TP63: variants seen among roughly 807,000 people sequenced by gnomAD.
TP63 encodes tumor protein 63.
Under a neutral mutation model 82.8 loss-of-function variants are expected in TP63, and 17 were observed. That is an observed-to-expected ratio of 0.21 (90% CI 0.14 to 0.31). The LOEUF is 0.31. TP63 is among the 10% of genes least tolerant of loss of function. The pLI is 1.00. For missense variants in TP63, 648 were observed against 895.3 expected, an observed-to-expected ratio of 0.72 and a Z score of 3.52; for synonymous variants, 330 against 321.7, an observed-to-expected ratio of 1.03 and a Z score of -0.28.
intron 3 of TP63, among the ~76,000 whole-genome samples, chr3:189,786,446 AACACACACACACAC>A (rs59747587): frequency 1.6e-4 from 23 of 147,110 alleles, no homozygotes; most frequent in East Asian, 1.2e-3. Context: ...GACATACCTA[AACACACACACACAC>A]ACACACACAC....
chr3:189,601,750 A>G, the TP63 span, among the ~76,000 whole-genome samples: 1 of 152,142 alleles, frequency 6.6e-6, no homozygotes, highest in African/African-American at 2.4e-5. Flanking sequence ...TCCCACATTC[A>G]GTAGCATTCT....
intron 3 of TP63, among the ~76,000 whole-genome samples, chr3:189,773,371 A>G (rs1171289179): frequency 6.6e-6 from 1 of 152,232 alleles, no homozygotes; most frequent in Non-Finnish European, 1.5e-5. Context: ...AGACAGCTTC[A>G]GGCCATTGTG....
rs557875792 is a variant in TP63, at chr3:189,801,820, C to T, written c.325-6452C>T. Among the ~76,000 whole-genome samples the T allele has an allele frequency of 9.9e-5, 15 of 152,058 alleles. No homozygotes were observed. In the South Asian group the frequency reaches 1.7e-3, roughly 17 times the overall value. On this transcript the variant is annotated intron_variant, in intron 3 of 13. Coordinates refer to ENST00000264731, the MANE Select transcript of TP63 (RefSeq NM_003722.5). ...CTTACAGTCTTGATAGTTTTGGGTG[C>T]GTTTAAATACTTTATTCTTATATTT...
chr3:189,821,374 G>A (rs1042771968), intron 4 of TP63, among the ~76,000 whole-genome samples: 2 of 152,180 alleles, frequency 1.3e-5, no homozygotes, highest in African/African-American at 4.8e-5. Flanking sequence ...TTGCATTTGA[G>A]GGTCCTGGTG....
chr3:189,681,286 A>G (rs1218848821), intron 1 of TP63, among the ~76,000 whole-genome samples: 2 of 152,032 alleles, frequency 1.3e-5, no homozygotes, highest in Admixed American at 1.3e-4. Context: ...GTGAATAGTC[A>G]CCCAAATTGT....
At chr3:189,861,243 C>T (rs891688035) in intron 4 of TP63, among the ~76,000 whole-genome samples, 1 of 152,142 alleles carries the variant, frequency 6.6e-6, no homozygotes, top group African/African-American at 2.4e-5. Context: ...TAAGTGAGGA[C>T]ACATGATACT....
intron 1 of TP63, among the ~76,000 whole-genome samples, chr3:189,700,388 G>A (rs1478832532): frequency 1.3e-5 from 2 of 152,140 alleles, no homozygotes; most frequent in Non-Finnish European, 2.9e-5. Flanking sequence ...CCCAGTGTTT[G>A]CTGTTTCCAT....
intron 4 of TP63, among the ~76,000 whole-genome samples, chr3:189,857,882 G>A (rs1716485985): frequency 6.6e-6 from 1 of 152,146 alleles, no homozygotes; most frequent in African/African-American, 2.4e-5. Flanking sequence ...TACTTTCAGT[G>A]GGAATGTAAA....
intron 1 of TP63, among the ~76,000 whole-genome samples, chr3:189,687,682 C>T (rs928049175): frequency 3.3e-5 from 5 of 152,144 alleles, no homozygotes; most frequent in Admixed American, 6.6e-5. Flanking sequence ...TTCAAATGGG[C>T]GACTGGACAA....
intron 3 of TP63, among the ~76,000 whole-genome samples, chr3:189,749,077 A>G (rs1360919137): frequency 1.3e-5 from 2 of 152,162 alleles, no homozygotes; most frequent in African/African-American, 4.8e-5. Context: ...ATAAACTACT[A>G]GAAGAAAACA....
chr3:189,612,127 C>T, the TP63 span, among the ~76,000 whole-genome samples: 3 of 152,036 alleles, frequency 2.0e-5, no homozygotes, highest in Admixed American at 6.6e-5. Context: ...ATTTCTTTTT[C>T]GTGCCTAACG....
chr3:189,681,190 A>G (rs535753210), intron 1 of TP63, among the ~76,000 whole-genome samples: 114 of 148,554 alleles, frequency 7.7e-4, no homozygotes, highest in African/African-American at 2.6e-3. Context: ...TCATAAGTGA[A>G]TAGTCACTTA....
At chr3:189,742,679 A>C (rs1232261950) in intron 3 of TP63, among the ~76,000 whole-genome samples, 1 of 152,248 alleles carries the variant, frequency 6.6e-6, no homozygotes, top group South Asian at 2.1e-4. Flanking sequence ...TTTCAAGCAC[A>C]TACAGTAGGT....
At chr3:189,800,418 C>T (rs1726163093) in intron 3 of TP63, among the ~76,000 whole-genome samples, 2 of 146,610 alleles carry the variant, frequency 1.4e-5, no homozygotes, top group Admixed American at 1.4e-4. Flanking sequence ...TGACCCTTTG[C>T]AATTATACCC....
chr3:189,882,018 C>CAAAAAAAA (rs5855276), intron 10 of TP63, among the ~76,000 whole-genome samples: 4 of 139,674 alleles, frequency 2.9e-5, no homozygotes, highest in African/African-American at 1.0e-4. Context: ...AAGTTCTAAC[C>CAAAAAAAA]AAAAAAAAAA....
intron 3 of TP63, among the ~76,000 whole-genome samples, chr3:189,791,581 A>T (rs1220245980): frequency 6.6e-6 from 1 of 152,124 alleles, no homozygotes; most frequent in Non-Finnish European, 1.5e-5. Context: ...TCTGTTTTCT[A>T]TTGGAATGCT....
At chr3:189,789,793 C>T (rs778830545) in intron 3 of TP63, 1 of 1,594,184 alleles carries the variant, frequency 6.3e-7, no homozygotes, top group Non-Finnish European at 8.5e-7. Context: ...ATCAATCTTA[C>T]AGCTAACATG....
At chr3:189,841,909 T>TA (rs1380010336) in intron 4 of TP63, among the ~76,000 whole-genome samples, 1 of 152,052 alleles carries the variant, frequency 6.6e-6, no homozygotes, top group African/African-American at 2.4e-5. Flanking sequence ...GACCAGGGGG[T>TA]AAAACATATC....
intron 3 of TP63, among the ~76,000 whole-genome samples, chr3:189,805,068 G>C (rs1726741074): frequency 6.6e-6 from 1 of 152,188 alleles, no homozygotes; most frequent in Admixed American, 6.5e-5. Flanking sequence ...AGATCCATCA[G>C]TACCCACATT....
Sources: allele counts gnomAD v4.1 joint callset (sites outside exome capture counted in the v4.1 genomes callset), GRCh38; gene constraint gnomAD v4.1.1; transcripts MANE v1.5; gene names NCBI Gene and HGNC (gene_info 2026-07-23, HGNC 2026-07-21).